The following LSM12 variants were observed in gnomAD, a reference collection of about 807,000 sequenced individuals.
LSM12 encodes the protein protein LSM12.
For missense variants in LSM12, 108 were observed against 238.9 expected, an observed-to-expected ratio of 0.45 and a Z score of 3.61; for synonymous variants, 74 against 87.3, an observed-to-expected ratio of 0.85 and a Z score of 0.85.
At position 44,064,471 on chromosome 17, in the gene LSM12, G is replaced by A. The variant is rs568522043; in HGVS notation, c.125-537C>T. 3.9e-5 allele frequency among the ~76,000 whole-genome samples: 6 copies of A among 152,240 alleles called. No individual in the cohort carries two copies. In the South Asian group the frequency reaches 1.0e-3, roughly 26 times the overall value. ...CAGCCAGGCTCACGTGATGGCTCAC[G>A]CCTGTAATCTCAACACTTTGGGAGG... On this transcript the variant is annotated intron_variant, in intron 1 of 4. Transcript: ENST00000293406.
upstream of LSM12, chr17:44,066,737 G>T: frequency 1.0e-6 from 1 of 1,002,684 alleles, no homozygotes; most frequent in Non-Finnish European, 1.3e-6. Context: ...CGGGATCCTA[G>T]GTGGAGTGGG....
At chr17:44,050,273 G>GT (rs1480586096) in intron 2 of LSM12, among the ~76,000 whole-genome samples, 5 of 143,358 alleles carry the variant, frequency 3.5e-5, no homozygotes, top group Admixed American at 7.5e-5. Flanking sequence ...GCTAATTTTT[G>GT]TATTTTTTTT....
chr17:44,046,771 T>C (rs1345321996), intron 2 of LSM12, among the ~76,000 whole-genome samples: 1 of 145,318 alleles, frequency 6.9e-6, no homozygotes, highest in Admixed American at 6.8e-5. Context: ...TTTTTTTTTT[T>C]TTTTGCTGGA....
intron 2 of LSM12, among the ~76,000 whole-genome samples, chr17:44,041,319 AC>A (rs1321889150): frequency 6.8e-5 from 10 of 146,666 alleles, no homozygotes; most frequent in African/African-American, 2.6e-4. Flanking sequence ...ACACACACAC[AC>A]ACACACACAC....
intron 2 of LSM12, among the ~76,000 whole-genome samples, chr17:44,062,814 G>A (rs2049816149): frequency 6.6e-6 from 1 of 151,936 alleles, no homozygotes; most frequent in African/African-American, 2.4e-5. Context: ...CCTGAGCTCA[G>A]GAGTTCAAGA....
At chr17:44,059,641 T>C (rs1215930229) in intron 2 of LSM12, among the ~76,000 whole-genome samples, 3 of 152,192 alleles carry the variant, frequency 2.0e-5, no homozygotes, top group Non-Finnish European at 4.4e-5. Flanking sequence ...TAAGACTTCT[T>C]AGCCTGAAGT....
At position 44,037,580 on chromosome 17, in the gene LSM12, G is replaced by T. The variant is rs964280754; in HGVS notation, c.369-42C>A. 1.9e-6 allele frequency: 3 copies of T among 1,558,834 alleles called. No homozygotes were observed. The Admixed American group carries it at 5.8e-5, about 30-fold the overall frequency. ...GCAGGCGAAATGTAACCTCTTGGGG[G>T]CATCCCACATCTCCTGTCTGATGAA... On this transcript the variant is annotated intron_variant, in intron 3 of 4. Coordinates refer to ENST00000293406, the MANE Select transcript of LSM12 (RefSeq NM_001371445.1).
intron 2 of LSM12, among the ~76,000 whole-genome samples, chr17:44,049,684 A>G (rs1008020593): frequency 6.6e-6 from 1 of 152,214 alleles, no homozygotes; most frequent in Non-Finnish European, 1.5e-5. Flanking sequence ...TATGCACTTC[A>G]TCTTGTTATT....
At chr17:44,046,579 C>G (rs2049568699) in intron 2 of LSM12, among the ~76,000 whole-genome samples, 1 of 148,306 alleles carries the variant, frequency 6.7e-6, no homozygotes, top group Non-Finnish European at 1.5e-5. Flanking sequence ...TGGTGGCGGG[C>G]GCCTGTAGTC....
At position 44,037,517 on chromosome 17, in the gene LSM12, T is replaced by C. The variant is rs767392737; in HGVS notation, c.390A>G (p.Gln130=). The part of the protein sequence containing the change: ...IHKTIKDCKW[Q]EKNIVVMEEV... The stretch of plus-strand genomic sequence containing the variant: ...CTTCCATGACTACGATGTTTTTTTC[T>C]TGCCATTTACAGTCTTTAATGCTGG... The change falls in exon 4 of 5, where the codon CAA becomes CAG. Residue 130 remains glutamine, a synonymous_variant. Coordinates refer to ENST00000293406, the MANE Select transcript of LSM12 (RefSeq NM_001371445.1). 11 of 1,610,122 alleles carry C rather than the reference T, an allele frequency of 6.8e-6. No individual in the cohort carries two copies. The highest frequency in any genetic ancestry group is 2.7e-5 in the African/African-American group (2 of 74,778).
chr17:44,066,408 C>T, intron 1 of LSM12, 56 bp downstream of exon 1: 7 of 1,512,046 alleles, frequency 4.6e-6, no homozygotes, highest in Non-Finnish European at 6.2e-6. Context: ...CCCCCACCCC[C>T]CGACCACCGC....
At chr17:44,064,079 C>T in intron 1 of LSM12, 145 bp from the exon 2 acceptor site, 1 of 846,220 alleles carries the variant, frequency 1.2e-6, no homozygotes. Context: ...CACGGTTCTC[C>T]TCAGGAAATC....
intron 2 of LSM12, among the ~76,000 whole-genome samples, chr17:44,049,538 A>G (rs1047536136): frequency 1.3e-5 from 2 of 152,098 alleles, no homozygotes; most frequent in Non-Finnish European, 2.9e-5. Context: ...TCAGCCTCCC[A>G]AAGTGCTGGG....
chr17:44,059,055 A>G (rs1483902200), intron 2 of LSM12, among the ~76,000 whole-genome samples: 12 of 152,132 alleles, frequency 7.9e-5, no homozygotes, highest in Admixed American at 5.9e-4. Context: ...AGTCCCAGCT[A>G]CTCAGGAAGC....
intron 1 of LSM12, among the ~76,000 whole-genome samples, chr17:44,065,914 C>T (rs2049867726): frequency 6.6e-6 from 1 of 152,022 alleles, no homozygotes; most frequent in Non-Finnish European, 1.5e-5. Flanking sequence ...CTATCCCTAG[C>T]TCAGATACAA....
chr17:44,062,153 C>A (rs1272579385), intron 2 of LSM12, among the ~76,000 whole-genome samples: 1 of 135,674 alleles, frequency 7.4e-6, no homozygotes, highest in Non-Finnish European at 1.5e-5. Context: ...ACCCGGGAGG[C>A]GGAGCTTGCA....
chr17:44,048,018 A>ACACAC (rs2049592639), intron 2 of LSM12, among the ~76,000 whole-genome samples: 2 of 137,388 alleles, frequency 1.5e-5, no homozygotes, highest in African/African-American at 5.3e-5. Context: ...GTCCGTATTA[A>ACACAC]ACACACACAC....
At chr17:44,040,551 A>G (rs925860454) in intron 2 of LSM12, among the ~76,000 whole-genome samples, 1 of 152,188 alleles carries the variant, frequency 6.6e-6, no homozygotes, top group African/African-American at 2.4e-5. Flanking sequence ...GACAGACTAT[A>G]AACAAGTAAC....
chr17:44,039,490 T>A (rs2049461001), intron 3 of LSM12, among the ~76,000 whole-genome samples: 1 of 143,020 alleles, frequency 7.0e-6, no homozygotes, highest in African/African-American at 2.6e-5. Context: ...CACGCCATTC[T>A]CCTGCCTCAG....
Sources: gnomAD v4.1 joint callset for allele counts (sites outside exome capture counted in the v4.1 genomes callset) on GRCh38, gnomAD v4.1.1 for gene constraint, MANE v1.5 for transcripts, NCBI Gene and HGNC (gene_info 2026-07-23, HGNC 2026-07-21) for gene names.